LPAR3: variants seen among roughly 807,000 people sequenced by gnomAD.
LPAR3 encodes the protein LPA receptor 3.
A neutral mutation model predicts 17.8 loss-of-function variants in LPAR3; 7 were observed. The ratio of observed to expected loss-of-function variants is 0.39; its 90% CI spans 0.22 to 0.74. The LOEUF (loss-of-function observed/expected upper bound fraction) is 0.74, where lower values mean the gene tolerates loss of function less well. Among genes scored for constraint, LPAR3 ranks in the 30% least tolerant of loss-of-function variants. The pLI, the probability that LPAR3 is intolerant of heterozygous loss-of-function variation, is 0.40. For synonymous variants in LPAR3, 179 were observed against 179.9 expected (o/e 0.99, Z 0.04); for missense variants, 391 against 453.4 (o/e 0.86, Z 1.25).
rs1206774677 is a variant in LPAR3, at chr1:84,813,158, T to TATATAGAGAGAGAGAGAG, written c.*687_*688insCTCTCTCTCTCTCTATAT. On this transcript the variant is annotated 3_prime_UTR_variant, in exon 3 of 3. Coordinates refer to ENST00000370611, the MANE Select transcript of LPAR3 (RefSeq NM_012152.3). ...ATATATATATATATATATATATATA[T>TATATAGAGAGAGAGAGAG]AGACACACACACACACACACACACA... 2.6e-4 allele frequency: 26 copies of TATATAGAGAGAGAGAGAG among 101,688 alleles called. No individual in the cohort carries two copies. The highest frequency in any genetic ancestry group is 1.6e-3 in the East Asian group (6 of 3,674). 6.3% of individuals were successfully genotyped at this position (101,688 alleles called of 1,614,324 possible). A position where few individuals can be genotyped will look rare whatever the true frequency, so the allele number is the denominator to read the frequency against.
intron 2 of LPAR3, among the ~76,000 whole-genome samples, chr1:84,814,938 C>G (rs1039505015): frequency 6.6e-6 from 1 of 152,114 alleles, no homozygotes; most frequent in Non-Finnish European, 1.5e-5. Context: ...TCATACTTAC[C>G]TTATCTCTAA....
At chr1:84,815,897 T>C (rs1317534167) in intron 2 of LPAR3, among the ~76,000 whole-genome samples, 4 of 152,230 alleles carry the variant, frequency 2.6e-5, no homozygotes, top group African/African-American at 9.6e-5. Context: ...GTTCCCTTTT[T>C]TCTCCACCTT....
At chr1:84,876,804 C>A (rs1196199103) in intron 1 of LPAR3, among the ~76,000 whole-genome samples, 1 of 152,174 alleles carries the variant, frequency 6.6e-6, no homozygotes, top group Non-Finnish European at 1.5e-5. Context: ...TGATCTAGTA[C>A]ACTTTTCCTA....
chr1:84,854,181 C>T (rs1399619252), intron 2 of LPAR3, among the ~76,000 whole-genome samples: 1 of 152,158 alleles, frequency 6.6e-6, no homozygotes, highest in Admixed American at 6.5e-5. Flanking sequence ...TCTGCCCAGT[C>T]TCCCCTTTCT....
At chr1:84,863,684 A>G (rs1659984124) in intron 2 of LPAR3, among the ~76,000 whole-genome samples, 3 of 152,212 alleles carry the variant, frequency 2.0e-5, no homozygotes, top group Non-Finnish European at 4.4e-5. Flanking sequence ...GTACATCTCC[A>G]GCCCAGACCT....
intron 1 of LPAR3, among the ~76,000 whole-genome samples, chr1:84,872,151 AC>A (rs1350552454): frequency 6.6e-6 from 1 of 152,232 alleles, no homozygotes; most frequent in African/African-American, 2.4e-5. Context: ...AATGCCCAGC[AC>A]ACATTAGGCA....
intron 2 of LPAR3, among the ~76,000 whole-genome samples, chr1:84,847,634 T>C (rs1380108594): frequency 1.3e-5 from 2 of 152,182 alleles, no homozygotes; most frequent in African/African-American, 2.4e-5. Context: ...GTCTGTTTTA[T>C]ATCCTAGCTC....
intron 1 of LPAR3, among the ~76,000 whole-genome samples, chr1:84,882,364 T>C (rs1660381500): frequency 6.6e-6 from 1 of 152,152 alleles, no homozygotes; most frequent in Non-Finnish European, 1.5e-5. Context: ...TAAATACATT[T>C]CATGTTCATG....
chr1:84,847,897 G>A (rs1373620535), intron 2 of LPAR3, among the ~76,000 whole-genome samples: 1 of 152,240 alleles, frequency 6.6e-6, no homozygotes, highest in Non-Finnish European at 1.5e-5. Flanking sequence ...AGTAGCATCT[G>A]TGGTCCCCGA....
intron 2 of LPAR3, among the ~76,000 whole-genome samples, chr1:84,857,688 A>G (rs1659854880): frequency 6.6e-6 from 1 of 152,200 alleles, no homozygotes; most frequent in South Asian, 2.1e-4. Context: ...AAACTTCATG[A>G]CTTGGGTCCA....
intron 2 of LPAR3, among the ~76,000 whole-genome samples, chr1:84,855,182 T>C (rs1659793757): frequency 6.6e-6 from 1 of 152,168 alleles, no homozygotes; most frequent in Non-Finnish European, 1.5e-5. Flanking sequence ...CCACCCAACA[T>C]GTTTGCCATA....
intron 2 of LPAR3, among the ~76,000 whole-genome samples, chr1:84,834,339 T>C (rs995278691): frequency 2.0e-5 from 3 of 152,184 alleles, no homozygotes; most frequent in African/African-American, 7.2e-5. Context: ...CAGGTAGCTA[T>C]TTCCCCAAGT....
intron 2 of LPAR3, among the ~76,000 whole-genome samples, chr1:84,819,715 G>A (rs1659013325): frequency 6.6e-6 from 1 of 152,194 alleles, no homozygotes; most frequent in South Asian, 2.1e-4. Context: ...ACAAAGAGTG[G>A]CAGCAAAAGT....
chr1:84,817,288 CACA>C (rs1304410140), intron 2 of LPAR3, among the ~76,000 whole-genome samples: 8 of 151,446 alleles, frequency 5.3e-5, no homozygotes, highest in Non-Finnish European at 1.0e-4. Flanking sequence ...CACACACACA[CACA>C]CCCCTCACTT....
chr1:84,855,618 G>A (rs913290555), intron 2 of LPAR3, among the ~76,000 whole-genome samples: 7 of 152,214 alleles, frequency 4.6e-5, no homozygotes, highest in African/African-American at 1.2e-4. Flanking sequence ...TGAAGAAGGG[G>A]GCATGAGAGG....
At chr1:84,868,802 A>C (rs1660103815) in intron 1 of LPAR3, among the ~76,000 whole-genome samples, 1 of 152,184 alleles carries the variant, frequency 6.6e-6, no homozygotes, top group South Asian at 2.1e-4. Flanking sequence ...TGATGCTTTG[A>C]TCTTGGACCT....
intron 1 of LPAR3, among the ~76,000 whole-genome samples, chr1:84,882,139 CA>C (rs1660377659): frequency 6.6e-6 from 1 of 152,156 alleles, no homozygotes; most frequent in Non-Finnish European, 1.5e-5. Flanking sequence ...AGTAAAGTTG[CA>C]GGATACAAAA....
At chr1:84,877,276 G>T (rs930678616) in intron 1 of LPAR3, among the ~76,000 whole-genome samples, 3 of 152,232 alleles carry the variant, frequency 2.0e-5, no homozygotes, top group African/African-American at 7.2e-5. Flanking sequence ...GCTGCACTTA[G>T]GTGTGCACTA....
Position 84,811,838 on chromosome 1 carries a change from A to AT in LPAR3, c.*2007dup, listed in dbSNP as rs1477589408. On this transcript the variant is annotated 3_prime_UTR_variant, in exon 3 of 3. Transcript: ENST00000370611. Reference sequence around the variant, plus strand: ...TTCTTTTGCAAACTACATAAATACTATAATATCTACCTTGAAGTTATTCTC... The same window carrying AT: ...TTCTTTTGCAAACTACATAAATACTATTAATATCTACCTTGAAGTTATTCTC... 2 of 152,160 alleles carry AT rather than the reference A, an allele frequency of 1.3e-5. No homozygotes were observed. The highest frequency in any genetic ancestry group is 3.8e-4 in the East Asian group (2 of 5,198). 9.4% of individuals were successfully genotyped at this position (152,160 alleles called of 1,614,324 possible).
Sources: gnomAD v4.1 joint callset for allele counts (sites outside exome capture counted in the v4.1 genomes callset) on GRCh38, gnomAD v4.1.1 for gene constraint, MANE v1.5 for transcripts, NCBI Gene and HGNC (gene_info 2026-07-23, HGNC 2026-07-21) for gene names.